Variants in ZNF587 observed in about 807,000 individuals in gnomAD.
ZNF587 encodes zinc finger protein 587, also known as zinc finger protein zfp6.
A neutral mutation model predicts 7.5 loss-of-function variants in ZNF587; 8 were observed. The ratio of observed to expected loss-of-function variants is 1.06; its 90% confidence interval spans 0.62 to 1.92. The LOEUF (loss-of-function observed/expected upper bound fraction) is 1.92. Ranked by LOEUF, ZNF587 falls within the 40% of genes most tolerant of loss-of-function variation. The pLI is 0.00. For synonymous variants in ZNF587, 145 were observed against 237.8 expected, an observed-to-expected ratio of 0.61 and a Z score of 3.59; for missense variants, 468 against 692.8, an observed-to-expected ratio of 0.68 and a Z score of 3.64.
At chr19:57,855,876 CT>C in intron 1 of ZNF587, 7 of 678,276 alleles carry the variant, frequency 1.0e-5, no homozygotes, top group Non-Finnish European at 2.3e-6. Flanking sequence ...GGGAGTGGAC[CT>C]TTTTATGTCA....
intron 1 of ZNF587, among the ~76,000 whole-genome samples, chr19:57,854,867 C>A (rs2071331440): frequency 6.6e-6 from 1 of 151,260 alleles, no homozygotes; most frequent in African/African-American, 2.4e-5. Context: ...ATGGTGAAAC[C>A]CCGTCTCTAC....
At chr19:57,855,857 A>T (rs752577532) in intron 1 of ZNF587, 5 of 530,826 alleles carry the variant, frequency 9.4e-6, no homozygotes, top group Non-Finnish European at 1.6e-5. Flanking sequence ...CACCGCACCC[A>T]GCCCAGAAGG....
At chr19:57,857,543 T>G (rs1449794930) in intron 2 of ZNF587, among the ~76,000 whole-genome samples, 1 of 152,014 alleles carries the variant, frequency 6.6e-6, no homozygotes, top group Non-Finnish European at 1.5e-5. Context: ...ACCCCTGCTG[T>G]GTTGTACTCA....
chr19:57,856,151 G>C lies in ZNF587; in HGVS notation c.81G>C (p.Glu27Asp). Residue 27 changes from glutamate to aspartate, a missense_variant, in exon 2 of 3, where the codon GAG becomes GAC. This residue lies in a region of ZNF587 where 92 missense variants were observed against 89.7 expected (regional missense o/e 1.03). Transcript: ENST00000339656. The stretch of plus-strand genomic sequence containing the variant: ...ATGTGGCTGTGAACTTTTCCCAGGA[G>C]GAGTGGTGTCTTCTTAGTGAGGCTC... ...FEDVAVNFSQ[E>D]EWCLLSEAQR... 1 of 1,613,120 alleles carries C rather than the reference G, an allele frequency of 6.2e-7. No homozygotes were observed. The highest frequency in any genetic ancestry group is 1.1e-5 in the South Asian group (1 of 91,012).
At position 57,859,604 on chromosome 19, in the gene ZNF587, C is replaced by A; in HGVS notation, c.1192C>A (p.His398Asn). Reference sequence around the variant, plus strand: ...TGGTCAAAAGGGCAACCTCGTTCACCATCAGCGAGGTCATACTGGAGAAAG... The same window carrying A: ...TGGTCAAAAGGGCAACCTCGTTCACAATCAGCGAGGTCATACTGGAGAAAG... Reference protein sequence around the residue: ...SFGQKGNLVHHQRGHTGERPY... With the variant: ...SFGQKGNLVHNQRGHTGERPY... Residue 398 changes from histidine to asparagine, a missense_variant, in exon 3 of 3, where the codon CAT (histidine) becomes AAT (asparagine). By Grantham distance (68) the His-to-Asn change is moderately conservative (BLOSUM62 1). Coordinates refer to ENST00000339656, the MANE Select transcript of ZNF587 (RefSeq NM_032828.4). 1 of 1,614,022 alleles carries A rather than the reference C, an allele frequency of 6.2e-7. No homozygotes were observed. The highest frequency in any genetic ancestry group is 8.5e-7 in the Non-Finnish European group (1 of 1,180,020).
rs749684433 is a variant in ZNF587, at chr19:57,860,221, A to G, written c.*81A>G. 16 of 1,608,344 alleles carry G rather than the reference A, an allele frequency of 9.9e-6. No individual in the cohort carries two copies. The Admixed American group carries it at 2.5e-4, about 25-fold the overall frequency. On this transcript the variant is annotated 3_prime_UTR_variant, in exon 3 of 3. Transcript: ENST00000339656. Reference sequence around the variant, plus strand: ...AGAGTTCATACTGGAGAAAGGCCTTATGAGTGCTGTCAATGTGGAAAACAT... The same window carrying G: ...AGAGTTCATACTGGAGAAAGGCCTTGTGAGTGCTGTCAATGTGGAAAACAT...
At position 57,849,960 on chromosome 19, in the gene ZNF587, G is replaced by A; in HGVS notation, c.-79G>A. The A allele has an allele frequency of 5.6e-6, 9 of 1,611,820 alleles. No homozygotes were observed. The highest frequency in any genetic ancestry group is 7.6e-6 in the Non-Finnish European group (9 of 1,179,136). On this transcript the variant is annotated 5_prime_UTR_variant, in exon 1 of 3. Coordinates refer to ENST00000339656, the MANE Select transcript of ZNF587 (RefSeq NM_032828.4). ...TGAACCTAGAAGGTGGAGAGGAATCGTCCTCGGTGCCCAGAGGCGGCTCTG... is the reference window on the plus strand; with the variant it reads ...TGAACCTAGAAGGTGGAGAGGAATCATCCTCGGTGCCCAGAGGCGGCTCTG...
rs1333203699 is a variant in ZNF587, at chr19:57,859,575, C to A, written c.1163C>A (p.Ser388Tyr). 5 of 1,613,912 alleles carry A rather than the reference C, an allele frequency of 3.1e-6. No homozygotes were observed. In the East Asian group the frequency reaches 1.1e-4, roughly 36 times the overall value. Residue 388 changes from serine (S) to tyrosine (Y), a missense_variant, in exon 3 of 3, where the codon TCT becomes TAT. Around this residue, in one of 5 missense-constraint regions of ZNF587, gnomAD observed 310 missense variants for 325.6 expected, o/e 0.95. Coordinates refer to ENST00000339656, the MANE Select transcript of ZNF587 (RefSeq NM_032828.4). ...TACAAGTGTGGAGAATGTGGGAAAT[C>A]TTTTGGTCAAAAGGGCAACCTCGTT... ...RPYKCGECGK[S>Y]FGQKGNLVHH...
chr19:57,853,725 G>A (rs2071313239), intron 1 of ZNF587: 1 of 151,868 alleles, frequency 6.6e-6, no homozygotes, highest in Admixed American at 6.6e-5. Context: ...TGACACTTAG[G>A]CCTGAGTTGG....
intron 1 of ZNF587, among the ~76,000 whole-genome samples, chr19:57,853,549 C>T (rs916777967): frequency 8.5e-5 from 13 of 152,124 alleles, no homozygotes; most frequent in African/African-American, 2.7e-4. Flanking sequence ...CTCTTACTTA[C>T]GTCCTCAATT....
At chr19:57,856,325 C>T (rs1393029505) in intron 2 of ZNF587, 92 bp downstream of exon 2, 2 of 1,513,494 alleles carry the variant, frequency 1.3e-6, no homozygotes, top group African/African-American at 2.8e-5. Context: ...CCTAAGGAGC[C>T]TGGACACAGG....
intron 2 of ZNF587, 66 bp downstream of exon 2, chr19:57,856,299 A>G: frequency 1.5e-5 from 23 of 1,530,686 alleles, no homozygotes; most frequent in Non-Finnish European, 2.0e-5. Context: ...TTTCATTGAC[A>G]GGACTGTCTT....
rs1320407065 is a variant in ZNF587, at chr19:57,858,811, A to G, written c.399A>G (p.Ala133=). ...GACGKNLDDT[A]YLHQHQKQHI... ...GTGGAAAAAACTTGGATGACACTGC[A>G]TACCTTCATCAGCACCAGAAGCAGC... is the stretch of plus-strand genomic sequence containing the variant. Residue 133 remains alanine (A), a synonymous_variant, in exon 3 of 3, where the codon GCA becomes GCG. Coordinates refer to ENST00000339656, the MANE Select transcript of ZNF587 (RefSeq NM_032828.4). 6 of 1,605,604 alleles carry G rather than the reference A, an allele frequency of 3.7e-6. No homozygotes were observed. The highest frequency in any genetic ancestry group is 3.4e-5 in the Admixed American group (2 of 59,306).
At position 57,864,684 on chromosome 19, in the gene ZNF587, C is replaced by T. The variant is rs2071484052; in HGVS notation, c.*4544C>T. 1 of 152,114 alleles carries T rather than the reference C, an allele frequency of 6.6e-6. No homozygotes were observed. Among genetic ancestry groups the T allele is most frequent in the Non-Finnish European group, 1.5e-5 (1 of 68,020 alleles). 9.4% of individuals were successfully genotyped at this position (152,114 alleles called of 1,614,324 possible). The stretch of plus-strand genomic sequence containing the variant: ...AAGATCTTTGATGATTTTTAATCAA[C>T]ATAGGAGTTTCAATGATATCTAGAA... On this transcript the variant is annotated 3_prime_UTR_variant, in exon 3 of 3. Transcript: ENST00000339656.
chr19:57,858,280 C>T (rs2071390573), intron 2 of ZNF587: 1 of 409,004 alleles, frequency 2.4e-6, no homozygotes, highest in Admixed American at 4.3e-5. Context: ...GTGTCCACAA[C>T]CACATCCAGC....
chr19:57,853,352 C>T (rs908043841), intron 1 of ZNF587, among the ~76,000 whole-genome samples: 1 of 152,174 alleles, frequency 6.6e-6, no homozygotes, highest in Non-Finnish European at 1.5e-5. Context: ...GTGGTGGCAT[C>T]AAATCGATAA....
At chr19:57,855,593 G>C (rs151257242) in intron 1 of ZNF587, among the ~76,000 whole-genome samples, 6 of 144,148 alleles carry the variant, frequency 4.2e-5, no homozygotes, top group African/African-American at 1.1e-4. Flanking sequence ...ATGGTGTCTC[G>C]CTCTGTTGGC....
In ZNF587 at chr19:57,859,613, G is replaced by C. The variant is rs1182225469; in HGVS notation, c.1201G>C (p.Gly401Arg). 6 of 1,613,958 alleles carry C rather than the reference G, an allele frequency of 3.7e-6. No individual in the cohort carries two copies. The highest frequency in any genetic ancestry group is 4.2e-6 in the Non-Finnish European group (5 of 1,180,032). Reference sequence around the variant, plus strand: ...GGGCAACCTCGTTCACCATCAGCGAGGTCATACTGGAGAAAGGCCCTATGA... The same window carrying C: ...GGGCAACCTCGTTCACCATCAGCGACGTCATACTGGAGAAAGGCCCTATGA... ...QKGNLVHHQR[G>R]HTGERPYECK... The change falls in exon 3 of 3, where the codon GGT becomes CGT. Residue 401 changes from glycine to arginine, a missense_variant. This residue lies in a region of ZNF587 where 310 missense variants were observed against 325.6 expected (regional missense o/e 0.95). Coordinates refer to ENST00000339656, the MANE Select transcript of ZNF587 (RefSeq NM_032828.4).
chr19:57,856,439 G>A (rs561229666), intron 2 of ZNF587, among the ~76,000 whole-genome samples: 3 of 147,882 alleles, frequency 2.0e-5, no homozygotes, highest in Non-Finnish European at 3.0e-5. Flanking sequence ...ACAGTGTCTC[G>A]CTCTGTCACC....
Sources: allele counts gnomAD v4.1 joint callset (sites outside exome capture counted in the v4.1 genomes callset), GRCh38; gene constraint gnomAD v4.1.1; regional missense constraint gnomAD v4.1.1; transcripts MANE v1.5; gene names NCBI Gene and HGNC (gene_info 2026-07-23, HGNC 2026-07-21).